The following NRXN1 variants were observed in gnomAD, a reference collection of about 807,000 sequenced individuals.
NRXN1 encodes the protein neurexin 1.
Under a neutral mutation model 150.9 loss-of-function variants are expected in NRXN1, and 39 were observed. The observed-to-expected ratio is 0.26, with a 90% CI of 0.20 to 0.34. The LOEUF (loss-of-function observed/expected upper bound fraction) is 0.34, where lower values mean the gene tolerates loss of function less well. NRXN1 is among the 10% of genes least tolerant of loss of function. The pLI is 1.00. For missense variants in NRXN1, 1,815 were observed against 1,949.9 expected, an observed-to-expected ratio of 0.93 and a Z score of 1.30; for synonymous variants, 924 against 757.0, an observed-to-expected ratio of 1.22 and a Z score of -3.62.
intron 5 of NRXN1, among the ~76,000 whole-genome samples, chr2:50,843,870 C>T (rs190357234): frequency 6.6e-6 from 1 of 152,298 alleles, no homozygotes; most frequent in Admixed American, 6.5e-5. Flanking sequence ...GCTATTTCCA[C>T]CAATCCTAAC....
chr2:50,029,468 G>A lies in NRXN1; in HGVS notation c.4128+23803C>T, dbSNP rs111257362. The stretch of plus-strand genomic sequence containing the variant: ...TTAGGAGGTAGTTAAGATTAGATGA[G>A]GTCTTAAGCATGGGATCCTAATCCA... On this transcript the variant is annotated intron_variant, in intron 21 of 22. Coordinates refer to ENST00000401669, the MANE Select transcript of NRXN1 (RefSeq NM_001330078.2). Among the ~76,000 whole-genome samples, 1,235 of 152,182 alleles carry A rather than the reference G, an allele frequency of 8.1e-3. 25 individuals carry two copies. Among genetic ancestry groups the A allele is most frequent in the African/African-American group, 0.028 (1,159 of 41,514 alleles).
intron 5 of NRXN1, among the ~76,000 whole-genome samples, chr2:50,751,161 T>C (rs1700549247): frequency 6.6e-6 from 1 of 152,004 alleles, no homozygotes; most frequent in Non-Finnish European, 1.5e-5. Flanking sequence ...AGATGGCATA[T>C]AGGCTTTGGA....
chr2:50,160,191 T>G (rs1411102163), intron 18 of NRXN1, among the ~76,000 whole-genome samples: 1 of 151,966 alleles, frequency 6.6e-6, no homozygotes, highest in Non-Finnish European at 1.5e-5. Flanking sequence ...ATATATGATT[T>G]TTTCTTCTAT....
At chr2:50,829,999 GAAAAAAAAAAAAAAAAAA>G (rs572758147) in intron 5 of NRXN1, among the ~76,000 whole-genome samples, 38 of 58,182 alleles carry the variant, frequency 6.5e-4, no homozygotes, top group African/African-American at 3.6e-3. Context: ...CTGCCTGCTG[GAAAAAAAAAAAAAAAAAA>G]AAAAAAAAAA....
intron 4 of NRXN1, chr2:50,922,412 T>C (rs979927192): frequency 9.3e-5 from 55 of 591,266 alleles, no homozygotes; most frequent in African/African-American, 9.0e-4. Context: ...ATTTCTTATG[T>C]CTCATTTATT....
intron 5 of NRXN1, among the ~76,000 whole-genome samples, chr2:50,720,141 T>A (rs1365932563): frequency 1.3e-5 from 2 of 152,092 alleles, no homozygotes; most frequent in Non-Finnish European, 2.9e-5. Flanking sequence ...GATTTTTGGA[T>A]CAGAACATGC....
chr2:49,938,373 T>C (rs916582346), intron 22 of NRXN1, among the ~76,000 whole-genome samples: 1 of 152,198 alleles, frequency 6.6e-6, no homozygotes, highest in Non-Finnish European at 1.5e-5. Context: ...TAGTTATTAT[T>C]GCTATTTATC....
chr2:50,523,461 T>C (rs1022834335), intron 12 of NRXN1, among the ~76,000 whole-genome samples: 13 of 152,184 alleles, frequency 8.5e-5, no homozygotes, highest in African/African-American at 2.9e-4. Flanking sequence ...ATATTTACTT[T>C]ATGTTAACAA....
intron 5 of NRXN1, among the ~76,000 whole-genome samples, chr2:50,810,717 C>T (rs528619312): frequency 6.6e-6 from 1 of 152,258 alleles, no homozygotes; most frequent in Non-Finnish European, 1.5e-5. Flanking sequence ...GCAGGTGGCT[C>T]ATGCCTGTAA....
At chr2:50,996,888 G>T (rs1284024777) in intron 2 of NRXN1, among the ~76,000 whole-genome samples, 1 of 152,038 alleles carries the variant, frequency 6.6e-6, no homozygotes, top group Non-Finnish European at 1.5e-5. Flanking sequence ...AACTCGTGAG[G>T]GGGGAGTAAT....
intron 18 of NRXN1, among the ~76,000 whole-genome samples, chr2:50,130,053 G>A (rs982782689): frequency 6.6e-6 from 1 of 152,020 alleles, no homozygotes; most frequent in Non-Finnish European, 1.5e-5. Context: ...ATATAAGCAG[G>A]TTATTATTCC....
At chr2:50,013,343 G>C (rs1686025493) in intron 21 of NRXN1, among the ~76,000 whole-genome samples, 1 of 145,432 alleles carries the variant, frequency 6.9e-6, no homozygotes, top group African/African-American at 2.5e-5. Flanking sequence ...TGTGGTCTCA[G>C]CATTCTGTAC....
At position 50,467,348 on chromosome 2, in the gene NRXN1, T is replaced by C. The variant is rs192380420; in HGVS notation, c.3245-1787A>G. 3.6e-3 allele frequency among the ~76,000 whole-genome samples: 541 copies of C among 151,722 alleles called. 5 individuals carry two copies. Among genetic ancestry groups the C allele is most frequent in the African/African-American group, 0.013 (522 of 41,476 alleles). On this transcript the variant is annotated intron_variant, in intron 16 of 22. Transcript: ENST00000401669. Reference sequence around the variant, plus strand: ...ATAGCTTTAGAGTATAAACTAAATATATTTTCTAGTAAATAAACATATAGG... The same window carrying C: ...ATAGCTTTAGAGTATAAACTAAATACATTTTCTAGTAAATAAACATATAGG...
At chr2:50,634,514 G>A (rs1009380663) in intron 5 of NRXN1, among the ~76,000 whole-genome samples, 10 of 152,134 alleles carry the variant, frequency 6.6e-5, no homozygotes, top group African/African-American at 2.4e-4. Flanking sequence ...TATATTTGTG[G>A]AATATAAACA....
intron 18 of NRXN1, among the ~76,000 whole-genome samples, chr2:50,175,563 A>G (rs2152805288): frequency 6.6e-6 from 1 of 152,184 alleles, no homozygotes; most frequent in South Asian, 2.1e-4. Context: ...TGGTTATTAT[A>G]CACAAAAGAA....
rs1481634623 is a variant in NRXN1 at position 50,329,416 on chromosome 2, T to C, written c.3365-92446A>G. Among the ~76,000 whole-genome samples, 4 of 150,918 alleles carry C rather than the reference T, an allele frequency of 2.7e-5. No homozygotes were observed. In the South Asian group the frequency reaches 6.3e-4, roughly 24 times the overall value. On this transcript the variant is annotated intron_variant, in intron 17 of 22. Transcript: ENST00000401669. Reference sequence around the variant, plus strand: ...TAATAATTGCAATCTGGGAGGCCCATTGTGCTGGATAGTACAGGAGGTAGT... The same window carrying C: ...TAATAATTGCAATCTGGGAGGCCCACTGTGCTGGATAGTACAGGAGGTAGT...
chr2:50,642,967 T>C (rs1326379831), intron 5 of NRXN1, among the ~76,000 whole-genome samples: 1 of 152,018 alleles, frequency 6.6e-6, no homozygotes, highest in Admixed American at 6.6e-5. Context: ...CTGTGAGATA[T>C]ATTCCAATAA....
intron 12 of NRXN1, among the ~76,000 whole-genome samples, chr2:50,520,774 CTCA>C (rs1002333391): frequency 2.0e-4 from 30 of 151,858 alleles, no homozygotes; most frequent in African/African-American, 6.8e-4. Context: ...ATTTATTGTA[CTCA>C]TCATAATGGT....
chr2:50,538,163 T>C, intron 10 of NRXN1, 90 bp downstream of exon 10: 9 of 1,425,964 alleles, frequency 6.3e-6, no homozygotes, highest in Non-Finnish European at 8.5e-6. Flanking sequence ...AGAGTATACA[T>C]TACGTTTCAA....
Sources: gnomAD v4.1 joint callset for allele counts (sites outside exome capture counted in the v4.1 genomes callset) on GRCh38, gnomAD v4.1.1 for gene constraint, MANE v1.5 for transcripts, NCBI Gene and HGNC (gene_info 2026-07-23, HGNC 2026-07-21) for gene names.